Variants in NCOA2 observed in about 807,000 individuals in gnomAD.
NCOA2 encodes nuclear receptor coactivator 2.
Under a neutral mutation model 145.1 loss-of-function variants are expected in NCOA2, and 21 were observed. The observed-to-expected ratio is 0.14, with a 90% CI of 0.10 to 0.21. The LOEUF (loss-of-function observed/expected upper bound fraction) is 0.21. Among genes scored for constraint, NCOA2 ranks in the 10% least tolerant of loss-of-function variants. The pLI, the probability that NCOA2 is intolerant of heterozygous loss-of-function variation, is 1.00. For missense variants in NCOA2, 1,472 were observed against 1,837.6 expected (o/e 0.80, Z 3.64); for synonymous variants, 619 against 637.5 (o/e 0.97, Z 0.44).
chr8:70,239,680 C>T (rs1358178324), intron 2 of NCOA2, among the ~76,000 whole-genome samples: 1 of 152,116 alleles, frequency 6.6e-6, no homozygotes, highest in Non-Finnish European at 1.5e-5. Flanking sequence ...AAAGTTCTAT[C>T]CAGACAAAGA....
intron 15 of NCOA2, among the ~76,000 whole-genome samples, chr8:70,133,398 C>T (rs1809382863): frequency 6.6e-6 from 1 of 151,732 alleles, no homozygotes. Context: ...AATTTTTGTA[C>T]ATTTTTTGTA....
intron 8 of NCOA2, 151 bp downstream of exon 8, chr8:70,163,314 C>T: frequency 1.6e-6 from 1 of 620,248 alleles, no homozygotes; most frequent in East Asian, 2.7e-5. Flanking sequence ...CAGTGGCTCT[C>T]TCTCCGGTCC....
At chr8:70,284,762 AAAG>A (rs1826124327) in intron 2 of NCOA2, among the ~76,000 whole-genome samples, 1 of 152,078 alleles carries the variant, frequency 6.6e-6, no homozygotes, top group Non-Finnish European at 1.5e-5. Flanking sequence ...GATTGTTAGG[AAAG>A]AAGCTTTGCC....
intron 1 of NCOA2, among the ~76,000 whole-genome samples, chr8:70,317,254 G>A (rs1218077607): frequency 6.6e-6 from 1 of 152,144 alleles, no homozygotes; most frequent in Non-Finnish European, 1.5e-5. Flanking sequence ...TCAGTCAAGG[G>A]GATCCCAGTG....
chr8:70,186,681 G>C (rs1391997993), intron 4 of NCOA2, among the ~76,000 whole-genome samples: 1 of 152,176 alleles, frequency 6.6e-6, no homozygotes, highest in Non-Finnish European at 1.5e-5. Context: ...AAATAAACCT[G>C]ATATGTATTT....
intron 2 of NCOA2, among the ~76,000 whole-genome samples, chr8:70,274,079 T>C (rs1167591492): frequency 6.6e-6 from 1 of 152,192 alleles, no homozygotes; most frequent in African/African-American, 2.4e-5. Context: ...TGAATAAAGT[T>C]TGAAACAAAG....
intron 22 of NCOA2, among the ~76,000 whole-genome samples, chr8:70,115,181 G>A (rs1336986122): frequency 1.3e-5 from 2 of 151,910 alleles, no homozygotes; most frequent in South Asian, 2.1e-4. Flanking sequence ...ACGGAGTTTC[G>A]CTCTTGTTGC....
the NCOA2 span, among the ~76,000 whole-genome samples, chr8:70,446,522 C>T: frequency 1.3e-5 from 2 of 152,132 alleles, no homozygotes; most frequent in East Asian, 1.9e-4. Context: ...CTATATCTCT[C>T]GTTGCCATAA....
At chr8:70,360,709 G>A (rs955282182) in intron 1 of NCOA2, among the ~76,000 whole-genome samples, 1 of 152,094 alleles carries the variant, frequency 6.6e-6, no homozygotes, top group Non-Finnish European at 1.5e-5. Context: ...AGGCTGAGGT[G>A]GGCAGATCAC....
At chr8:70,143,758 T>G (rs909700744) in intron 13 of NCOA2, among the ~76,000 whole-genome samples, 2 of 152,196 alleles carry the variant, frequency 1.3e-5, no homozygotes, top group South Asian at 2.1e-4. Context: ...AAAAATAAAA[T>G]ACCAACAGTT....
chr8:70,358,744 A>G (rs1809959761), intron 1 of NCOA2, among the ~76,000 whole-genome samples: 1 of 152,254 alleles, frequency 6.6e-6, no homozygotes, highest in Non-Finnish European at 1.5e-5. Flanking sequence ...ATCAAACTTT[A>G]TCAAAATTTA....
At chr8:70,384,209 G>A (rs1353210765) in intron 1 of NCOA2, among the ~76,000 whole-genome samples, 1 of 151,768 alleles carries the variant, frequency 6.6e-6, no homozygotes. Context: ...GCTTTCCATG[G>A]TGATTCAAGT....
intron 2 of NCOA2, among the ~76,000 whole-genome samples, chr8:70,253,317 C>G (rs1171109765): frequency 3.9e-5 from 6 of 152,058 alleles, no homozygotes; most frequent in African/African-American, 1.4e-4. Context: ...ATCCAACAAA[C>G]ACATATTCAG....
chr8:70,292,138 T>C (rs1022872907), intron 2 of NCOA2, among the ~76,000 whole-genome samples: 3 of 151,770 alleles, frequency 2.0e-5, no homozygotes, highest in Non-Finnish European at 2.9e-5. Flanking sequence ...CCCTGTTTTT[T>C]GTTTGTTTGT....
rs904743777 is a variant in NCOA2, at chr8:70,303,276, A to T, written c.-76-6476T>A. 2.6e-5 allele frequency among the ~76,000 whole-genome samples: 4 copies of T among 152,344 alleles called. No homozygotes were observed. The South Asian group carries it at 8.3e-4, about 32-fold the overall frequency. ...TGGAACTAAGTCTTGAGGAACTTCT[A>T]CAGGTAAAAACTATGTAGAAAAGGA... On this transcript the variant is annotated intron_variant, in intron 1 of 22. Transcript: ENST00000452400.
chr8:70,301,655 C>CAA (rs71275063), intron 1 of NCOA2, among the ~76,000 whole-genome samples: 4,163 of 59,786 alleles, frequency 0.07, 261 homozygotes, highest in East Asian at 0.11. Flanking sequence ...GACCCTTTCT[C>CAA]AAAAAAAAAA....
intron 2 of NCOA2, among the ~76,000 whole-genome samples, chr8:70,234,551 A>G (rs1475559139): frequency 6.6e-6 from 1 of 152,056 alleles, no homozygotes; most frequent in Non-Finnish European, 1.5e-5. Flanking sequence ...TTTTTAAGTT[A>G]TAGCCATCCT....
chr8:70,309,932 G>A (rs1828178931), intron 1 of NCOA2, among the ~76,000 whole-genome samples: 1 of 151,952 alleles, frequency 6.6e-6, no homozygotes, highest in African/African-American at 2.4e-5. Flanking sequence ...CCAGCATGGA[G>A]ACAGAGCAAG....
rs764082785 is a variant in NCOA2 at position 70,131,943 on chromosome 8, G to A, written c.3218C>T (p.Pro1073Leu). The A allele has an allele frequency of 4.2e-5, 68 of 1,611,356 alleles. No individual in the cohort carries two copies. The highest frequency in any genetic ancestry group is 5.5e-5 in the Non-Finnish European group (65 of 1,178,962). Residue 1073 changes from proline to leucine, a missense_variant, in exon 16 of 23, where the codon CCG becomes CTG. Physicochemically the swap from Pro to Leu is moderately conservative, Grantham distance 98. Around this residue, in one of 4 missense-constraint regions of NCOA2, gnomAD observed 953 missense variants for 1,062.1 expected, o/e 0.90. Transcript: ENST00000452400. Reference sequence around the variant, plus strand: ...GTCCAGGAGAGCTCCCTCATCACTCGGAGACTCAGCTGCAGGATGTGGACA... The same window carrying A: ...GTCCAGGAGAGCTCCCTCATCACTCAGAGACTCAGCTGCAGGATGTGGACA... Reference protein sequence around the residue: ...LLCPHPAAESPSDEGALLDQL... With the variant: ...LLCPHPAAESLSDEGALLDQL...
Sources: allele counts gnomAD v4.1 joint callset (sites outside exome capture counted in the v4.1 genomes callset), GRCh38; gene constraint gnomAD v4.1.1; regional missense constraint gnomAD v4.1.1; transcripts MANE v1.5; gene names NCBI Gene and HGNC (gene_info 2026-07-23, HGNC 2026-07-21).